Variants in HS6ST3 observed in about 807,000 individuals in gnomAD.
The protein encoded by HS6ST3 is heparan-sulfate 6-O-sulfotransferase 3.
In HS6ST3, 12 loss-of-function variants were observed where a neutral mutation model predicts 36.7. The observed-to-expected ratio is 0.33, with a 90% CI of 0.21 to 0.53. The LOEUF is 0.53. HS6ST3 is among the 20% of genes least tolerant of loss of function. HS6ST3 has a pLI of 0.95. For missense variants in HS6ST3, 584 were observed against 640.9 expected (o/e 0.91, Z 0.96); for synonymous variants, 240 against 257.5 (o/e 0.93, Z 0.65).
intron 1 of HS6ST3, among the ~76,000 whole-genome samples, chr13:96,326,373 C>T (rs868438584): frequency 1.4e-4 from 20 of 143,238 alleles, no homozygotes; most frequent in African/African-American, 4.4e-4. Flanking sequence ...TTCCCCTTCC[C>T]GTGTCCATGT....
intron 1 of HS6ST3, among the ~76,000 whole-genome samples, chr13:96,539,163 A>T (rs1291821636): frequency 1.2e-4 from 19 of 152,204 alleles, no homozygotes; most frequent in Non-Finnish European, 2.6e-4. Flanking sequence ...CTGGTTAGAA[A>T]TAGGAACATA....
intron 1 of HS6ST3, among the ~76,000 whole-genome samples, chr13:96,122,328 T>C (rs1179320625): frequency 6.6e-6 from 1 of 152,016 alleles, no homozygotes; most frequent in Non-Finnish European, 1.5e-5. Flanking sequence ...TCTTCAGTTG[T>C]CACAAGACAA....
chr13:96,125,350 A>G (rs1318169703), intron 1 of HS6ST3, among the ~76,000 whole-genome samples: 1 of 152,216 alleles, frequency 6.6e-6, no homozygotes, highest in Non-Finnish European at 1.5e-5. Context: ...TTTAATAATG[A>G]AAAATATACT....
intron 1 of HS6ST3, among the ~76,000 whole-genome samples, chr13:96,668,686 CTTTTTTTTTTTTTTTTTTTTT>C (rs146033180): frequency 1.6e-3 from 93 of 58,946 alleles, no homozygotes; most frequent in East Asian, 0.013. Context: ...TAGTGCCAAC[CTTTTTTTTTTTTTTTTTTTTT>C]TTTTTTTTTT....
At chr13:96,119,001 C>T (rs1176675858) in intron 1 of HS6ST3, among the ~76,000 whole-genome samples, 5 of 151,826 alleles carry the variant, frequency 3.3e-5, no homozygotes, top group East Asian at 1.9e-4. Context: ...TGAGCCACCG[C>T]GCCCGGCCAC....
intron 1 of HS6ST3, among the ~76,000 whole-genome samples, chr13:96,440,974 T>G (rs896762431): frequency 2.0e-5 from 3 of 152,148 alleles, no homozygotes; most frequent in African/African-American, 7.2e-5. Context: ...TGGGATGGTA[T>G]TTGGAGGTGG....
At chr13:96,432,245 C>T (rs957689437) in intron 1 of HS6ST3, among the ~76,000 whole-genome samples, 1 of 152,034 alleles carries the variant, frequency 6.6e-6, no homozygotes. Context: ...GGCTAATGAC[C>T]CCTGTAGAAA....
At chr13:96,699,951 A>T (rs1174046952) in intron 1 of HS6ST3, among the ~76,000 whole-genome samples, 1 of 152,196 alleles carries the variant, frequency 6.6e-6, no homozygotes, top group East Asian at 1.9e-4. Flanking sequence ...ATTACACAAC[A>T]CCTTTAAAAT....
chr13:96,250,198 T>C (rs773353359), intron 1 of HS6ST3, among the ~76,000 whole-genome samples: 4 of 152,180 alleles, frequency 2.6e-5, no homozygotes, highest in Non-Finnish European at 4.4e-5. Context: ...AAAGATGATC[T>C]GGAAACTGAA....
In HS6ST3 at chr13:96,837,853, A is replaced by C. The variant is rs1024254580; in HGVS notation, c.*4655A>C. 1 of 152,096 alleles carries C rather than the reference A, an allele frequency of 6.6e-6. No homozygotes were observed. The highest frequency in any genetic ancestry group is 1.5e-5 in the Non-Finnish European group (1 of 68,030). The allele number at this position is 152,096 out of a possible 1,614,324, so 9.4% of individuals were successfully genotyped here. A position where few individuals can be genotyped will look rare whatever the true frequency, so the allele number is the denominator to read the frequency against. The stretch of plus-strand genomic sequence containing the variant: ...CCCGCCCCCACCAACCAAAAAAAAA[A>C]AAAGAAAGAAAACTCTCCCTTTTTA... On this transcript the variant is annotated 3_prime_UTR_variant, in exon 2 of 2. Coordinates refer to ENST00000376705, the MANE Select transcript of HS6ST3 (RefSeq NM_153456.4).
chr13:96,250,740 A>G (rs902050443), intron 1 of HS6ST3, among the ~76,000 whole-genome samples: 1 of 152,226 alleles, frequency 6.6e-6, no homozygotes, highest in Non-Finnish European at 1.5e-5. Context: ...AAATATGACT[A>G]GATACCGGCA....
chr13:96,191,360 T>C (rs2054287767), intron 1 of HS6ST3, among the ~76,000 whole-genome samples: 2 of 152,212 alleles, frequency 1.3e-5, no homozygotes, highest in Non-Finnish European at 2.9e-5. Flanking sequence ...TTGCTGCGTA[T>C]ACACACAAGA....
At chr13:96,449,306 G>T (rs573674430) in intron 1 of HS6ST3, among the ~76,000 whole-genome samples, 2 of 152,148 alleles carry the variant, frequency 1.3e-5, no homozygotes, top group Admixed American at 1.3e-4. Flanking sequence ...ATGAACTCTT[G>T]TCCAAAAAAC....
intron 1 of HS6ST3, among the ~76,000 whole-genome samples, chr13:96,219,068 A>T (rs2054441824): frequency 6.6e-6 from 1 of 152,130 alleles, no homozygotes; most frequent in Admixed American, 6.5e-5. Flanking sequence ...CAGTCCCTGT[A>T]CATTTTCCCA....
At chr13:96,170,941 ACACACG>A (rs993250426) in intron 1 of HS6ST3, among the ~76,000 whole-genome samples, 3 of 152,358 alleles carry the variant, frequency 2.0e-5, no homozygotes, top group South Asian at 2.1e-4. Context: ...GCGCACACAC[ACACACG>A]CACGTAGGCC....
chr13:96,833,232 G>T lies in HS6ST3; in HGVS notation c.*34G>T, dbSNP rs754072248. ...CCTCTCCTCTCTCAGGAGGGGGAGG[G>T]TGAGCAGGCACATTGACTTTCTGTT... On this transcript the variant is annotated 3_prime_UTR_variant, in exon 2 of 2. Coordinates refer to ENST00000376705, the MANE Select transcript of HS6ST3 (RefSeq NM_153456.4). 6.9e-6 allele frequency: 10 copies of T among 1,457,728 alleles called. No individual in the cohort carries two copies. In the South Asian group the frequency reaches 1.4e-4, roughly 20 times the overall value. 90.3% of individuals were successfully genotyped at this position (1,457,728 alleles called of 1,614,324 possible). A position where few individuals can be genotyped will look rare whatever the true frequency, so the allele number is the denominator to read the frequency against.
At chr13:96,128,858 T>G (rs1354322239) in intron 1 of HS6ST3, among the ~76,000 whole-genome samples, 2 of 151,742 alleles carry the variant, frequency 1.3e-5, no homozygotes, top group Non-Finnish European at 2.9e-5. Context: ...CCTGTGCTTT[T>G]TTTTTTTGGC....
At chr13:96,200,741 C>T (rs1424576934) in intron 1 of HS6ST3, among the ~76,000 whole-genome samples, 1 of 152,216 alleles carries the variant, frequency 6.6e-6, no homozygotes, top group Non-Finnish European at 1.5e-5. Flanking sequence ...CAATGCCCAG[C>T]TATACTTTTG....
intron 1 of HS6ST3, among the ~76,000 whole-genome samples, chr13:96,250,754 C>A (rs1383948696): frequency 6.6e-6 from 1 of 152,162 alleles, no homozygotes; most frequent in African/African-American, 2.4e-5. Context: ...ACCGGCAGTA[C>A]GTACCTTCTA....
Sources: allele counts gnomAD v4.1 joint callset (sites outside exome capture counted in the v4.1 genomes callset), GRCh38; gene constraint gnomAD v4.1.1; transcripts MANE v1.5; gene names NCBI Gene and HGNC (gene_info 2026-07-23, HGNC 2026-07-21).